The following CHRM3 variants were observed in gnomAD, a reference collection of about 807,000 sequenced individuals.
CHRM3 encodes cholinergic receptor muscarinic 3.
Under a neutral mutation model 41.8 loss-of-function variants are expected in CHRM3, and 11 were observed. The ratio of observed to expected loss-of-function variants is 0.26; its 90% CI spans 0.17 to 0.44. CHRM3 has a LOEUF of 0.44. Among genes scored for constraint, CHRM3 ranks in the 20% least tolerant of loss-of-function variants. CHRM3 has a pLI of 1.00. For synonymous variants in CHRM3, 297 were observed against 301.4 expected (o/e 0.99, Z 0.15); for missense variants, 571 against 745.4 (o/e 0.77, Z 2.72).
intron 5 of CHRM3, chr1:239,706,857 C>A (rs1454255345): frequency 1.3e-5 from 2 of 152,230 alleles, no homozygotes; most frequent in African/African-American, 4.8e-5. Flanking sequence ...CAGGCATGCA[C>A]AAATGCACAT....
chr1:239,467,123 C>T (rs1665787448), intron 1 of CHRM3, among the ~76,000 whole-genome samples: 1 of 152,142 alleles, frequency 6.6e-6, no homozygotes, highest in African/African-American at 2.4e-5. Context: ...ATATCGTACA[C>T]TTAGCAGTTA....
chr1:239,778,429 C>G (rs1175898167), intron 5 of CHRM3, among the ~76,000 whole-genome samples: 1 of 152,172 alleles, frequency 6.6e-6, no homozygotes, highest in Admixed American at 6.5e-5. Flanking sequence ...CTCCCCATAT[C>G]CTGGTTTTAA....
chr1:239,828,458 T>G (rs1043659001), intron 6 of CHRM3, among the ~76,000 whole-genome samples: 2 of 152,062 alleles, frequency 1.3e-5, no homozygotes, highest in Non-Finnish European at 2.9e-5. Context: ...GAAAAATTAT[T>G]ACAAAGGGTA....
At chr1:239,797,603 C>T (rs1669892825) in intron 5 of CHRM3, among the ~76,000 whole-genome samples, 1 of 152,082 alleles carries the variant, frequency 6.6e-6, no homozygotes, top group African/African-American at 2.4e-5. Context: ...TCGTTCGTTC[C>T]CCATCGGGTC....
chr1:239,623,180 T>C (rs1668584177), intron 3 of CHRM3, among the ~76,000 whole-genome samples: 1 of 152,034 alleles, frequency 6.6e-6, no homozygotes, highest in South Asian at 2.1e-4. Flanking sequence ...TTGTTACATA[T>C]GTATACATGT....
rs60262282 is a variant in CHRM3 at position 239,463,747 on chromosome 1, T to G, written c.-520-28962T>G. Among the ~76,000 whole-genome samples the G allele has an allele frequency of 3.7e-3, 564 of 152,288 alleles. 2 individuals are homozygous for G. Among genetic ancestry groups the G allele is most frequent in the Middle Eastern group, 0.017 (5 of 294 alleles). ...TAATACATTTTTTCTAATACATCATTGTTGACTATAGGTAAGATGTGATAT... is the reference window on the plus strand; with the variant it reads ...TAATACATTTTTTCTAATACATCATGGTTGACTATAGGTAAGATGTGATAT... On this transcript the variant is annotated intron_variant, in intron 1 of 6. Coordinates refer to ENST00000676153, the MANE Select transcript of CHRM3 (RefSeq NM_001375978.1).
intron 6 of CHRM3, among the ~76,000 whole-genome samples, chr1:239,876,392 T>C (rs148757684): frequency 6.6e-6 from 1 of 152,300 alleles, no homozygotes; most frequent in East Asian, 1.9e-4. Flanking sequence ...ATTGGTGACA[T>C]GATAGCGAGG....
chr1:239,876,418 G>A (rs754553194), intron 6 of CHRM3, among the ~76,000 whole-genome samples: 2 of 152,168 alleles, frequency 1.3e-5, no homozygotes, highest in African/African-American at 4.8e-5. Flanking sequence ...CAGGCAATCC[G>A]AGGGCAAGAA....
intron 5 of CHRM3, among the ~76,000 whole-genome samples, chr1:239,740,740 G>T: frequency 6.6e-6 from 1 of 151,998 alleles, no homozygotes; most frequent in Non-Finnish European, 1.5e-5. Flanking sequence ...GGTCATTAGC[G>T]AAATGCAAAT....
At chr1:239,873,895 C>T (rs1676809680) in intron 6 of CHRM3, among the ~76,000 whole-genome samples, 1 of 152,200 alleles carries the variant, frequency 6.6e-6, no homozygotes, top group Non-Finnish European at 1.5e-5. Context: ...CTAACTCTGC[C>T]TACCTGCTCC....
chr1:239,516,868 T>C (rs1669307757), intron 2 of CHRM3, among the ~76,000 whole-genome samples: 1 of 152,064 alleles, frequency 6.6e-6, no homozygotes. Context: ...ACAAACCCTA[T>C]TGTGAACTGC....
At chr1:239,779,166 T>C (rs1187254257) in intron 5 of CHRM3, among the ~76,000 whole-genome samples, 1 of 152,188 alleles carries the variant, frequency 6.6e-6, no homozygotes, top group African/African-American at 2.4e-5. Flanking sequence ...GACTACACGT[T>C]TTAGAGAAGT....
rs144558736 is a variant in CHRM3 at position 239,708,493 on chromosome 1, G to A, written c.-147+30205G>A. The stretch of plus-strand genomic sequence containing the variant: ...AGTGGCTTCCCAGCCTCTCTTACTG[G>A]GGTGGATTTCCTAACTATCCTACGT... On this transcript the variant is annotated intron_variant, in intron 5 of 6. Transcript: ENST00000676153. Among the ~76,000 whole-genome samples the A allele has an allele frequency of 5.0e-3, 755 of 152,088 alleles. 4 individuals carry two copies. Among genetic ancestry groups the A allele is most frequent in the African/African-American group, 0.018 (727 of 41,480 alleles).
chr1:239,533,746 AAAAAC>A lies in CHRM3; in HGVS notation c.-421-11890_-421-11886del, dbSNP rs1227628098. On this transcript the variant is annotated intron_variant, in intron 2 of 6. Coordinates refer to ENST00000676153, the MANE Select transcript of CHRM3 (RefSeq NM_001375978.1). ...AACTCTGTCTCAAAAAAAAAAAAAA[AAAAAC>A]AAAAAAACCCTTAAAAACCATCAGA... Among the ~76,000 whole-genome samples the A allele has an allele frequency of 7.7e-3, 1,133 of 148,024 alleles. 30 individuals are homozygous for A. Among genetic ancestry groups the A allele is most frequent in the African/African-American group, 0.027 (1,079 of 39,324 alleles).
chr1:239,424,987 G>A (rs1308267895), intron 1 of CHRM3, among the ~76,000 whole-genome samples: 1 of 152,188 alleles, frequency 6.6e-6, no homozygotes, highest in Non-Finnish European at 1.5e-5. Context: ...ATGCATGGGG[G>A]CACAGCCAGA....
chr1:239,806,381 CA>C (rs1375130200), intron 5 of CHRM3, among the ~76,000 whole-genome samples: 9 of 150,228 alleles, frequency 6.0e-5, no homozygotes, highest in East Asian at 2.0e-4. Flanking sequence ...TGGAGTTACA[CA>C]ACACACACAC....
chr1:239,612,894 T>A lies in CHRM3; in HGVS notation c.-312-19330T>A, dbSNP rs1188947456. 2.0e-5 allele frequency among the ~76,000 whole-genome samples: 3 copies of A among 152,156 alleles called. No homozygotes were observed. The East Asian group carries it at 5.8e-4, about 29-fold the overall frequency. On this transcript the variant is annotated intron_variant, in intron 3 of 6. Transcript: ENST00000676153. ...ATGGGGCCATCTTGAGGAAGCTCCTTAAATTTTTCAGACTTCAGTTTCCCC... is the reference window on the plus strand; with the variant it reads ...ATGGGGCCATCTTGAGGAAGCTCCTAAAATTTTTCAGACTTCAGTTTCCCC...
At position 239,819,109 on chromosome 1, in the gene CHRM3, C is replaced by G. The variant is rs1436551378; in HGVS notation, c.-146-8143C>G. Among the ~76,000 whole-genome samples the G allele has an allele frequency of 3.9e-5, 6 of 152,190 alleles. 1 individual carries two copies. Among genetic ancestry groups the G allele is most frequent in the Non-Finnish European group, 8.8e-5 (6 of 68,034 alleles). On this transcript the variant is annotated intron_variant, in intron 5 of 6. Transcript: ENST00000676153. ...GTTATCCTCTCAACTTTCTGCCACT[C>G]AGCCAGGCGACTACCTGACTGGAGT...
chr1:239,801,253 T>A (rs913135432), intron 5 of CHRM3, among the ~76,000 whole-genome samples: 1 of 152,224 alleles, frequency 6.6e-6, no homozygotes, highest in Non-Finnish European at 1.5e-5. Flanking sequence ...TGGCGTAGTT[T>A]ACCCCCAAAT....
Sources: gnomAD v4.1 joint callset for allele counts (sites outside exome capture counted in the v4.1 genomes callset) on GRCh38, gnomAD v4.1.1 for gene constraint, MANE v1.5 for transcripts, NCBI Gene and HGNC (gene_info 2026-07-23, HGNC 2026-07-21) for gene names.